Variants in APPBP2 observed in about 807,000 individuals in gnomAD.
APPBP2 encodes amyloid protein-binding protein 2.
Under a neutral mutation model 76.0 loss-of-function variants are expected in APPBP2, and 15 were observed. The observed-to-expected ratio is 0.20, with a 90% CI of 0.13 to 0.30. APPBP2 has a LOEUF of 0.30. APPBP2 is among the 10% of genes least tolerant of loss of function. The pLI is 1.00. For synonymous variants in APPBP2, 222 were observed against 242.2 expected (o/e 0.92, Z 0.77); for missense variants, 401 against 687.2 (o/e 0.58, Z 4.66).
chr17:60,475,131 G>A (rs1037535957), intron 4 of APPBP2, among the ~76,000 whole-genome samples: 12 of 152,078 alleles, frequency 7.9e-5, no homozygotes, highest in Non-Finnish European at 1.5e-4. Flanking sequence ...TCGGGAGGCT[G>A]AGGCAGAAAA....
intron 1 of APPBP2, among the ~76,000 whole-genome samples, chr17:60,511,167 A>G (rs1486385830): frequency 6.6e-6 from 1 of 152,224 alleles, no homozygotes; most frequent in Non-Finnish European, 1.5e-5. Context: ...ATAACACAAT[A>G]TATACCAGCA....
At chr17:60,510,181 T>C (rs1018175401) in intron 1 of APPBP2, among the ~76,000 whole-genome samples, 12 of 151,044 alleles carry the variant, frequency 7.9e-5, no homozygotes, top group African/African-American at 2.2e-4. Flanking sequence ...GACAAGAGGA[T>C]TGCTTGAGAC....
chr17:60,506,391 T>C (rs978323806), intron 1 of APPBP2, among the ~76,000 whole-genome samples: 5 of 152,214 alleles, frequency 3.3e-5, no homozygotes, highest in African/African-American at 1.2e-4. Context: ...TCATAACTTT[T>C]GCACACATAT....
chr17:60,470,793 ATTT>A (rs375651282), intron 4 of APPBP2, among the ~76,000 whole-genome samples: 10,595 of 117,040 alleles, frequency 0.091, 1,136 homozygotes, highest in African/African-American at 0.3. Flanking sequence ...GCCAGACTGG[ATTT>A]TTTTTTTTTT....
At chr17:60,516,582 C>G (rs537553433) in intron 1 of APPBP2, among the ~76,000 whole-genome samples, 1 of 152,158 alleles carries the variant, frequency 6.6e-6, no homozygotes, top group African/African-American at 2.4e-5. Flanking sequence ...GTGTAATATT[C>G]TACTACGTGA....
intron 2 of APPBP2, among the ~76,000 whole-genome samples, chr17:60,498,731 T>C (rs2090797665): frequency 6.6e-6 from 1 of 152,012 alleles, no homozygotes; most frequent in African/African-American, 2.4e-5. Flanking sequence ...ATACATAAAA[T>C]GAATCTAGTG....
chr17:60,450,617 A>AT (rs575046641), intron 12 of APPBP2, among the ~76,000 whole-genome samples: 108 of 125,902 alleles, frequency 8.6e-4, no homozygotes, highest in African/African-American at 5.1e-3. Flanking sequence ...TGAAACAATA[A>AT]AAAAAAAAAA....
chr17:60,456,257 T>G (rs529500502), intron 10 of APPBP2, 39 bp downstream of exon 10: 4 of 1,307,618 alleles, frequency 3.1e-6, no homozygotes, highest in Admixed American at 3.4e-5. Context: ...CCATATATCA[T>G]CTATTTTAAA....
At chr17:60,521,718 C>A (rs2091011300) in intron 1 of APPBP2, among the ~76,000 whole-genome samples, 1 of 152,162 alleles carries the variant, frequency 6.6e-6, no homozygotes, top group African/African-American at 2.4e-5. Context: ...CACCTAGCCC[C>A]CAGGACAGCT....
Position 60,456,292 on chromosome 17 carries a change from A to T in APPBP2, c.1147+4T>A. ...AATATCTGAGACTAGATTACAAAGG[A>T]TACCTTTCACCCTCTTTGAAGAAGC... On this transcript the variant is annotated splice_donor_region_variant and intron_variant, in intron 10 of 12. Transcript: ENST00000083182. 1 of 1,575,128 alleles carries T rather than the reference A, an allele frequency of 6.3e-7. No homozygotes were observed. The highest frequency in any genetic ancestry group is 1.3e-5 in the African/African-American group (1 of 74,154).
At chr17:60,481,697 C>A (rs922683119) in intron 3 of APPBP2, among the ~76,000 whole-genome samples, 1 of 152,158 alleles carries the variant, frequency 6.6e-6, no homozygotes, top group Non-Finnish European at 1.5e-5. Flanking sequence ...TAAGTCAAAT[C>A]CAGAACCAAA....
At chr17:60,512,424 T>G (rs2090921769) in intron 1 of APPBP2, among the ~76,000 whole-genome samples, 1 of 152,088 alleles carries the variant, frequency 6.6e-6, no homozygotes, top group Non-Finnish European at 1.5e-5. Context: ...ATAGAAAAAT[T>G]GAATTTTTAA....
At chr17:60,493,621 G>A (rs530520062) in intron 3 of APPBP2, among the ~76,000 whole-genome samples, 45 of 148,124 alleles carry the variant, frequency 3.0e-4, no homozygotes, top group Non-Finnish European at 5.6e-4. Flanking sequence ...GGTGAGAACC[G>A]CCATGCCCAG....
At chr17:60,507,297 C>T (rs534090268) in intron 1 of APPBP2, among the ~76,000 whole-genome samples, 1 of 151,832 alleles carries the variant, frequency 6.6e-6, no homozygotes, top group Admixed American at 6.6e-5. Context: ...TCTTGACTCA[C>T]TTCAACCTCT....
At chr17:60,480,216 T>C (rs943499195) in intron 3 of APPBP2, among the ~76,000 whole-genome samples, 14 of 152,048 alleles carry the variant, frequency 9.2e-5, no homozygotes, top group Admixed American at 7.2e-4. Context: ...CTACAAAAGA[T>C]ACAAAAGTAA....
intron 1 of APPBP2, among the ~76,000 whole-genome samples, chr17:60,505,734 T>C (rs2090863020): frequency 7.5e-6 from 1 of 133,600 alleles, no homozygotes; most frequent in Admixed American, 7.9e-5. Flanking sequence ...TTGCCCAGGC[T>C]AGAGTGTAGT....
chr17:60,520,723 T>C (rs1458053644), intron 1 of APPBP2, among the ~76,000 whole-genome samples: 2 of 152,048 alleles, frequency 1.3e-5, no homozygotes, highest in Admixed American at 1.3e-4. Context: ...AAAAAGATCA[T>C]AAACTTCATT....
rs150564206 is a variant in APPBP2, at chr17:60,470,245, A to C, written c.504-3786T>G. Among the ~76,000 whole-genome samples the C allele has an allele frequency of 5.3e-4, 80 of 152,110 alleles. No individual in the cohort carries two copies. The East Asian group carries it at 0.013, about 25-fold the overall frequency. On this transcript the variant is annotated intron_variant, in intron 4 of 12. Transcript: ENST00000083182. The stretch of plus-strand genomic sequence containing the variant: ...ATCTTCCTTGGGAAAATGTCTATTC[A>C]AGTCCTTTGTCCATTTTTTATTTTT...
chr17:60,495,288 T>C (rs2090765201), intron 2 of APPBP2, among the ~76,000 whole-genome samples: 5 of 151,906 alleles, frequency 3.3e-5, no homozygotes, highest in Admixed American at 3.3e-4. Context: ...GCCTGGCTGA[T>C]ATGAACAGAT....
Sources: gnomAD v4.1 joint callset for allele counts (sites outside exome capture counted in the v4.1 genomes callset) on GRCh38, gnomAD v4.1.1 for gene constraint, MANE v1.5 for transcripts, NCBI Gene and HGNC (gene_info 2026-07-23, HGNC 2026-07-21) for gene names.